The following DIP2C variants were observed in gnomAD, a reference collection of about 807,000 sequenced individuals.
The protein encoded by DIP2C is DIP2 acetate--CoA ligase C (putative).
In DIP2C, 33 loss-of-function variants were observed where a neutral mutation model predicts 192.4. That is an observed-to-expected ratio of 0.17 (90% confidence interval 0.13 to 0.23). The LOEUF (loss-of-function observed/expected upper bound fraction) is 0.23, where lower values mean the gene tolerates loss of function less well. Among genes scored for constraint, DIP2C ranks in the 10% least tolerant of loss-of-function variants. DIP2C has a pLI of 1.00. For missense variants in DIP2C, 1,537 were observed against 2,110.1 expected (o/e 0.73, Z 5.32); for synonymous variants, 979 against 864.1 (o/e 1.13, Z -2.33).
chr10:361,062 G>C (rs1459677574), intron 22 of DIP2C, among the ~76,000 whole-genome samples: 1 of 152,168 alleles, frequency 6.6e-6, no homozygotes, highest in African/African-American at 2.4e-5. Context: ...CCTCAGCAGA[G>C]ACGTAGGGCC....
chr10:459,930 AACC>A (rs1465614350), intron 3 of DIP2C, among the ~76,000 whole-genome samples: 5 of 140,294 alleles, frequency 3.6e-5, no homozygotes, highest in Non-Finnish European at 6.0e-5. Flanking sequence ...TCAGGGAACC[AACC>A]ACCTGCTGCA....
chr10:510,036 C>CA (rs564545511), intron 1 of DIP2C, among the ~76,000 whole-genome samples: 77 of 152,350 alleles, frequency 5.1e-4, no homozygotes, highest in Admixed American at 9.1e-4. Flanking sequence ...GCAAACCAGA[C>CA]ACATCAGAAG....
At chr10:578,786 C>T (rs902983319) in intron 1 of DIP2C, among the ~76,000 whole-genome samples, 11 of 143,060 alleles carry the variant, frequency 7.7e-5, no homozygotes, top group African/African-American at 2.4e-4. Flanking sequence ...AGTGTACAAG[C>T]ATAAGTGCAC....
At chr10:428,886 T>C (rs1966760575) in intron 4 of DIP2C, among the ~76,000 whole-genome samples, 1 of 152,152 alleles carries the variant, frequency 6.6e-6, no homozygotes, top group Admixed American at 6.5e-5. Context: ...TTCTCCAACC[T>C]GTTAAACCCA....
chr10:560,836 G>A (rs1377691354), intron 1 of DIP2C, among the ~76,000 whole-genome samples: 7 of 152,002 alleles, frequency 4.6e-5, no homozygotes, highest in South Asian at 2.1e-4. Context: ...TTATCACCCC[G>A]CCTCCCTTCT....
At chr10:431,179 G>C (rs1966852112) in intron 4 of DIP2C, among the ~76,000 whole-genome samples, 1 of 152,102 alleles carries the variant, frequency 6.6e-6, no homozygotes, top group Non-Finnish European at 1.5e-5. Flanking sequence ...CAATATTGAA[G>C]TGGCTGTTCT....
chr10:565,618 A>G (rs1849424648), intron 1 of DIP2C, among the ~76,000 whole-genome samples: 1 of 152,244 alleles, frequency 6.6e-6, no homozygotes, highest in South Asian at 2.1e-4. Flanking sequence ...TGCTAAAGGA[A>G]TAAGGATGTA....
chr10:603,489 C>T (rs1852244647), intron 1 of DIP2C, among the ~76,000 whole-genome samples: 1 of 152,056 alleles, frequency 6.6e-6, no homozygotes, highest in Admixed American at 6.5e-5. Flanking sequence ...ACCACTCCCC[C>T]AGGAGCTCTG....
At chr10:593,136 G>C (rs1851498399) in intron 1 of DIP2C, among the ~76,000 whole-genome samples, 3 of 152,096 alleles carry the variant, frequency 2.0e-5, no homozygotes, top group African/African-American at 4.8e-5. Flanking sequence ...CCACACCTTT[G>C]AGGGCACTGG....
chr10:397,402 C>T (rs1218604779), intron 10 of DIP2C, among the ~76,000 whole-genome samples: 2 of 152,200 alleles, frequency 1.3e-5, no homozygotes, highest in Non-Finnish European at 2.9e-5. Flanking sequence ...TGGTGGCACA[C>T]GCCTGTAATC....
At chr10:484,847 CTCG>C in intron 2 of DIP2C, 1 of 1,611,688 alleles carries the variant, frequency 6.2e-7, no homozygotes, top group Non-Finnish European at 8.5e-7. Context: ...GCCGCAGCTT[CTCG>C]GACGTCGCAC....
In DIP2C at chr10:390,758, C is replaced by G. The variant is rs976155036; in HGVS notation, c.1366G>C (p.Glu456Gln). ...HKGLPKSPTG[E>Q]IPQFKGWPKL... The stretch of plus-strand genomic sequence containing the variant: ...GGCTTACCTTTAAACTGTGGGATCT[C>G]TCCCGTTGGGCTTTTTGGAAGTCCT... Residue 456 changes from glutamate (E) to glutamine (Q), a missense_variant, in exon 11 of 37, where the codon GAG becomes CAG. By Grantham distance (29) the Glu-to-Gln change is conservative (BLOSUM62 2). Coordinates refer to ENST00000280886, the MANE Select transcript of DIP2C (RefSeq NM_014974.3). The G allele has an allele frequency of 6.2e-7, 1 of 1,614,122 alleles. No individual in the cohort carries two copies.
At chr10:452,215 C>A (rs1968906735) in intron 3 of DIP2C, among the ~76,000 whole-genome samples, 1 of 152,144 alleles carries the variant, frequency 6.6e-6, no homozygotes. Context: ...CTGCTTTAAC[C>A]GGAAATCAGT....
intron 3 of DIP2C, among the ~76,000 whole-genome samples, chr10:442,365 C>T (rs1967815389): frequency 6.6e-6 from 1 of 151,992 alleles, no homozygotes; most frequent in Admixed American, 6.6e-5. Flanking sequence ...ACTTCTCTCT[C>T]TAACTAGATA....
intron 29 of DIP2C, among the ~76,000 whole-genome samples, chr10:337,995 G>A (rs1332125749): frequency 6.6e-6 from 1 of 151,276 alleles, no homozygotes; most frequent in Admixed American, 6.6e-5. Context: ...AGAGGCCTAG[G>A]AAGCTGTGTG....
intron 29 of DIP2C, among the ~76,000 whole-genome samples, chr10:337,936 CTGTGGAGGCCTAG>C (rs1957944987): frequency 8.0e-6 from 1 of 125,568 alleles, no homozygotes. Context: ...TATGTGTGTG[CTGTGGAGGCCTAG>C]ACAGTCGTGT....
rs80156103 is a variant in DIP2C at position 390,861 on chromosome 10, G to A, written c.1263C>T (p.Asp421=). The change falls in exon 11 of 37, where the codon GAC becomes GAT. Residue 421 remains aspartate (D), a splice_region_variant and synonymous_variant. Transcript: ENST00000280886. ...AGAAACCTATCTGCTGGCTCCCTGCGTCCTGAGAGGGCAACAGAGAGGAGT... is the reference window on the plus strand; with the variant it reads ...AGAAACCTATCTGCTGGCTCCCTGCATCCTGAGAGGGCAACAGAGAGGAGT... ...VPIEVPLTRK[D]AGSQQIGFLL... The A allele has an allele frequency of 5.0e-5, 81 of 1,613,844 alleles. No homozygotes were observed. Among genetic ancestry groups the A allele is most frequent in the African/African-American group, 4.4e-4 (33 of 74,994 alleles).
intron 36 of DIP2C, among the ~76,000 whole-genome samples, chr10:280,839 C>G (rs1170597124): frequency 1.3e-5 from 2 of 152,192 alleles, no homozygotes; most frequent in Non-Finnish European, 2.9e-5. Flanking sequence ...CTTCCAGTTC[C>G]CAAGTCAACA....
chr10:447,358 G>A (rs528905544), intron 3 of DIP2C, among the ~76,000 whole-genome samples: 7 of 149,574 alleles, frequency 4.7e-5, no homozygotes, highest in African/African-American at 1.5e-4. Context: ...GGGGCAGCAG[G>A]ACCCACTCAC....
Sources: allele counts gnomAD v4.1 joint callset (sites outside exome capture counted in the v4.1 genomes callset), GRCh38; gene constraint gnomAD v4.1.1; transcripts MANE v1.5; gene names NCBI Gene and HGNC (gene_info 2026-07-23, HGNC 2026-07-21).